The following RBFOX1 variants were observed in gnomAD, a reference collection of about 807,000 sequenced individuals.
RBFOX1 encodes the protein RNA binding protein fox-1 homolog 1.
RBFOX1 carries 8 observed loss-of-function variants against 57.7 expected under a neutral mutation model. That is an observed-to-expected ratio of 0.14 (90% CI 0.08 to 0.25). The LOEUF is 0.25. Among genes scored for constraint, RBFOX1 ranks in the 10% least tolerant of loss-of-function variants. The probability of loss-of-function intolerance (pLI) is 1.00; values close to 1 mark genes in which losing one functional copy is unlikely to be tolerated. For missense variants in RBFOX1, 611 were observed against 548.5 expected, an observed-to-expected ratio of 1.11 and a Z score of -1.14; for synonymous variants, 326 against 222.4, an observed-to-expected ratio of 1.47 and a Z score of -4.15.
At chr16:7,451,689 C>A in intron 4 of RBFOX1, among the ~76,000 whole-genome samples, 1 of 132,288 alleles carries the variant, frequency 7.6e-6, no homozygotes, top group African/African-American at 2.9e-5. Context: ...TCCCCCCGCC[C>A]CGTATTCTCT....
intron 4 of RBFOX1, among the ~76,000 whole-genome samples, chr16:5,876,532 C>T (rs962949420): frequency 1.3e-5 from 2 of 152,130 alleles, no homozygotes; most frequent in African/African-American, 4.8e-5. Context: ...AGAAAAATCT[C>T]ATCTCTCCTC....
intron 3 of RBFOX1, among the ~76,000 whole-genome samples, chr16:6,851,157 C>A (rs895834365): frequency 6.6e-6 from 1 of 152,168 alleles, no homozygotes; most frequent in African/African-American, 2.4e-5. Flanking sequence ...TTTGTCCAGT[C>A]TCAGCAATCA....
At chr16:6,110,858 G>A (rs540918311) in intron 1 of RBFOX1, among the ~76,000 whole-genome samples, 1 of 152,274 alleles carries the variant, frequency 6.6e-6, no homozygotes, top group East Asian at 1.9e-4. Flanking sequence ...ATTCTCCAGT[G>A]CACAGCACCA....
intron 1 of RBFOX1, among the ~76,000 whole-genome samples, chr16:6,174,329 T>C (rs1290036153): frequency 6.6e-6 from 1 of 152,192 alleles, no homozygotes; most frequent in Non-Finnish European, 1.5e-5. Flanking sequence ...GCACGGTGGC[T>C]CATGCCTGTC....
chr16:6,764,751 A>G (rs1362225602), intron 3 of RBFOX1, among the ~76,000 whole-genome samples: 1 of 152,138 alleles, frequency 6.6e-6, no homozygotes, highest in Non-Finnish European at 1.5e-5. Flanking sequence ...AACCTGGCCA[A>G]CATGGTGAAA....
intron 2 of RBFOX1, among the ~76,000 whole-genome samples, chr16:6,586,897 C>A (rs527468207): frequency 2.0e-5 from 3 of 152,142 alleles, no homozygotes; most frequent in Admixed American, 6.5e-5. Context: ...AAAATTGACA[C>A]TAAAAATTGT....
At chr16:7,336,696 A>G (rs2096794920) in intron 4 of RBFOX1, among the ~76,000 whole-genome samples, 1 of 152,222 alleles carries the variant, frequency 6.6e-6, no homozygotes, top group Non-Finnish European at 1.5e-5. Context: ...TCTGTGCTAA[A>G]CACTTAGATT....
intron 3 of RBFOX1, among the ~76,000 whole-genome samples, chr16:6,750,861 C>G (rs2074799294): frequency 6.6e-6 from 1 of 152,104 alleles, no homozygotes; most frequent in South Asian, 2.1e-4. Flanking sequence ...AACCAGGAAG[C>G]TGAAATAGTG....
At chr16:6,189,405 C>G (rs1334108761) in intron 1 of RBFOX1, among the ~76,000 whole-genome samples, 5 of 152,218 alleles carry the variant, frequency 3.3e-5, no homozygotes, top group Non-Finnish European at 7.3e-5. Flanking sequence ...AACTCCTCAG[C>G]TGTTAATGCA....
chr16:7,119,393 C>G (rs1000841454), intron 4 of RBFOX1, among the ~76,000 whole-genome samples: 4 of 152,042 alleles, frequency 2.6e-5, no homozygotes, highest in Admixed American at 1.3e-4. Context: ...ATAAAAAGTA[C>G]AATAAACGAG....
chr16:6,600,222 C>A (rs941828591), intron 2 of RBFOX1, among the ~76,000 whole-genome samples: 1 of 152,106 alleles, frequency 6.6e-6, no homozygotes, highest in Non-Finnish European at 1.5e-5. Context: ...AATGGTGGTG[C>A]TGATGAACAC....
Position 6,019,133 on chromosome 16 carries a change from C to G in RBFOX1, c.-986C>G. On this transcript the variant is annotated 5_prime_UTR_variant, in exon 1 of 16. Coordinates refer to ENST00000550418, the MANE Select transcript of RBFOX1 (RefSeq NM_018723.4). This position sits in a 1 kb window ranked among gnomAD's most constrained non-coding sequence, Gnocchi z 4.2. ...TGCACACATTTTCTCGCGCTCTCTCCGGCTCTCCTTTGTTTATTTTCTAAT... is the reference window on the plus strand; with the variant it reads ...TGCACACATTTTCTCGCGCTCTCTCGGGCTCTCCTTTGTTTATTTTCTAAT... 1 of 985,030 alleles carries G rather than the reference C, an allele frequency of 1.0e-6. No homozygotes were observed. The highest frequency in any genetic ancestry group is 1.2e-6 in the Non-Finnish European group (1 of 829,924). 61.0% of individuals were successfully genotyped at this position (985,030 alleles called of 1,614,324 possible). A position where few individuals can be genotyped will look rare whatever the true frequency, so the allele number is the denominator to read the frequency against.
intron 3 of RBFOX1, among the ~76,000 whole-genome samples, chr16:5,783,881 G>A (rs185574424): frequency 6.6e-6 from 1 of 152,120 alleles, no homozygotes; most frequent in South Asian, 2.1e-4. Context: ...GATTGTTGTG[G>A]CTTTCATGTG....
chr16:5,609,697 T>C (rs1471058707), intron 3 of RBFOX1, among the ~76,000 whole-genome samples: 1 of 152,222 alleles, frequency 6.6e-6, no homozygotes, highest in Non-Finnish European at 1.5e-5. Flanking sequence ...CTGTTTTTCA[T>C]GGTCCTCATG....
At chr16:7,396,757 C>G (rs973794951) in intron 4 of RBFOX1, among the ~76,000 whole-genome samples, 1 of 152,072 alleles carries the variant, frequency 6.6e-6, no homozygotes, top group African/African-American at 2.4e-5. Flanking sequence ...CTTGCCAACA[C>G]TATGAAACTG....
At chr16:6,057,899 TGAATTCCA>T (rs1471028419) in intron 1 of RBFOX1, among the ~76,000 whole-genome samples, 1 of 144,924 alleles carries the variant, frequency 6.9e-6, no homozygotes, top group Admixed American at 7.3e-5. Context: ...ACCGCTCAGT[TGAATTCCA>T]GATTCAGGAC....
rs577671670 is a variant in RBFOX1, at chr16:6,037,416, A to C, written c.-127+17424A>C. The C allele has an allele frequency of 6.6e-5, 10 of 152,098 alleles. No individual in the cohort carries two copies. In the East Asian group the frequency reaches 1.9e-3, roughly 29 times the overall value. 9.4% of individuals were successfully genotyped at this position (152,098 alleles called of 1,614,324 possible). On this transcript the variant is annotated intron_variant, in intron 1 of 15. Transcript: ENST00000550418. ...ACTTCCTGGTACAACATTTAATTGT[A>C]GTCCTTAGTAAACTTTTGTAATAAT...
intron 3 of RBFOX1, among the ~76,000 whole-genome samples, chr16:5,643,487 T>A (rs1473890957): frequency 6.6e-6 from 1 of 152,190 alleles, no homozygotes; most frequent in Non-Finnish European, 1.5e-5. Flanking sequence ...GTATGGAGAT[T>A]CTGAGCATCT....
At chr16:7,117,437 AG>A (rs2066157919) in intron 4 of RBFOX1, among the ~76,000 whole-genome samples, 1 of 152,216 alleles carries the variant, frequency 6.6e-6, no homozygotes, top group African/African-American at 2.4e-5. Context: ...CTGGAATCAG[AG>A]ATCATGTAAG....
Sources: gnomAD v4.1 joint callset for allele counts (sites outside exome capture counted in the v4.1 genomes callset) on GRCh38, gnomAD v4.1.1 for gene constraint, Gnocchi (gnomAD v3.1) non-coding constraint, MANE v1.5 for transcripts, NCBI Gene and HGNC (gene_info 2026-07-23, HGNC 2026-07-21) for gene names.